Variants in DENND5A observed in about 807,000 individuals in gnomAD.
DENND5A encodes the protein DENN domain containing 5A.
In DENND5A, 64 loss-of-function variants were observed where a neutral mutation model predicts 140.3. That is an observed-to-expected ratio of 0.46 (90% CI 0.37 to 0.56). The LOEUF (loss-of-function observed/expected upper bound fraction) is 0.56. DENND5A is among the 20% of genes least tolerant of loss of function. The pLI, the probability that DENND5A is intolerant of heterozygous loss-of-function variation, is 0.00. For synonymous variants in DENND5A, 605 were observed against 607.7 expected (o/e 1.00, Z 0.07); for missense variants, 1,292 against 1,593.8 (o/e 0.81, Z 3.22).
At chr11:9,139,950 T>G in intron 22 of DENND5A, 96 bp from the exon 23 acceptor site, 1 of 1,292,084 alleles carries the variant, frequency 7.7e-7, no homozygotes. Flanking sequence ...ATGAACTAAG[T>G]CTGAAGCTGG....
chr11:9,234,396 T>C (rs1459556677), intron 1 of DENND5A, among the ~76,000 whole-genome samples: 1 of 151,622 alleles, frequency 6.6e-6, no homozygotes, highest in Non-Finnish European at 1.5e-5. Context: ...GAATGAGTAA[T>C]TTTTTTTCAA....
intron 1 of DENND5A, among the ~76,000 whole-genome samples, chr11:9,225,822 T>G (rs370560387): frequency 3.0e-4 from 45 of 152,208 alleles, no homozygotes; most frequent in South Asian, 4.1e-4. Context: ...CCGTGGTTCA[T>G]GCCTGTAATC....
intron 11 of DENND5A, among the ~76,000 whole-genome samples, chr11:9,164,157 A>AAGT (rs1484872580): frequency 7.8e-6 from 1 of 127,650 alleles, no homozygotes; most frequent in East Asian, 2.5e-4. Flanking sequence ...CAGCCCACCA[A>AAGT]AGTAGCTGGG....
chr11:9,245,701 T>C (rs1188503784), intron 1 of DENND5A, among the ~76,000 whole-genome samples: 1 of 151,782 alleles, frequency 6.6e-6, no homozygotes, highest in Non-Finnish European at 1.5e-5. Context: ...TGGCACGATC[T>C]TGGCTCACTG....
At chr11:9,197,745 C>T (rs1849381759) in intron 4 of DENND5A, among the ~76,000 whole-genome samples, 1 of 152,098 alleles carries the variant, frequency 6.6e-6, no homozygotes, top group East Asian at 1.9e-4. Flanking sequence ...ATTATTTGTG[C>T]ACATATTATT....
At chr11:9,232,724 T>C (rs1452219944) in intron 1 of DENND5A, among the ~76,000 whole-genome samples, 2 of 152,054 alleles carry the variant, frequency 1.3e-5, no homozygotes, top group African/African-American at 4.8e-5. Flanking sequence ...CCTGAGCATA[T>C]ACCCAACAGA....
At chr11:9,140,279 C>T (rs1847194144) in intron 22 of DENND5A, 1 of 1,177,160 alleles carries the variant, frequency 8.5e-7, no homozygotes, top group Non-Finnish European at 1.1e-6. Context: ...TATTATTATC[C>T]CCACTTTATA....
intron 3 of DENND5A, among the ~76,000 whole-genome samples, chr11:9,205,453 G>A (rs966294643): frequency 6.6e-6 from 1 of 152,094 alleles, no homozygotes. Flanking sequence ...TGAAATAAAC[G>A]CTAGACTAGG....
chr11:9,258,083 G>A (rs1191613741), intron 1 of DENND5A, among the ~76,000 whole-genome samples: 5 of 151,958 alleles, frequency 3.3e-5, no homozygotes, highest in Non-Finnish European at 5.9e-5. Flanking sequence ...ATGAGCCACC[G>A]TACCCGGTCT....
At chr11:9,252,748 A>C (rs1487882488) in intron 1 of DENND5A, among the ~76,000 whole-genome samples, 2 of 152,188 alleles carry the variant, frequency 1.3e-5, no homozygotes, top group Non-Finnish European at 2.9e-5. Flanking sequence ...CAGGAACCTA[A>C]AACATATCAA....
chr11:9,213,697 C>T (rs925429586), intron 1 of DENND5A, among the ~76,000 whole-genome samples: 7 of 150,540 alleles, frequency 4.6e-5, no homozygotes, highest in African/African-American at 9.8e-5. Context: ...ATCACAGCTA[C>T]CTGGGAGGCT....
At chr11:9,231,943 A>G (rs1850790403) in intron 1 of DENND5A, among the ~76,000 whole-genome samples, 1 of 152,096 alleles carries the variant, frequency 6.6e-6, no homozygotes, top group Non-Finnish European at 1.5e-5. Context: ...TGGTCATATC[A>G]AAGCCTTTTT....
intron 18 of DENND5A, among the ~76,000 whole-genome samples, chr11:9,144,677 T>C (rs1458683462): frequency 6.6e-6 from 1 of 151,506 alleles, no homozygotes; most frequent in Non-Finnish European, 1.5e-5. Context: ...TCATCCCAGC[T>C]ACTCGGGGAG....
rs758412383 is a variant in DENND5A, at chr11:9,178,370, G to A, written c.1672-4C>T. The A allele has an allele frequency of 2.5e-6, 4 of 1,585,176 alleles. No individual in the cohort carries two copies. Among genetic ancestry groups the A allele is most frequent in the Admixed American group, 3.3e-5 (2 of 59,782 alleles). On this transcript the variant is annotated splice_region_variant and splice_polypyrimidine_tract_variant and intron_variant, in intron 7 of 22. Coordinates refer to ENST00000328194, the MANE Select transcript of DENND5A (RefSeq NM_015213.4). ...GCTGATCTGACAGAAAAGATGCCTG[G>A]TGGGACCAAAAAGAAGCAGTAATTG...
chr11:9,245,770 A>T (rs1355389904), intron 1 of DENND5A, among the ~76,000 whole-genome samples: 1 of 151,962 alleles, frequency 6.6e-6, no homozygotes, highest in East Asian at 2.0e-4. Flanking sequence ...AGTAGCTGGG[A>T]CTACAGGCGT....
Position 9,205,628 on chromosome 11 carries a change from C to T in DENND5A, c.291+1045G>A, listed in dbSNP as rs187996290. Among the ~76,000 whole-genome samples, 33 of 152,298 alleles carry T rather than the reference C, an allele frequency of 2.2e-4. 1 individual carries two copies. In the Middle Eastern group the frequency reaches 0.01, roughly 47 times the overall value. Reference sequence around the variant, plus strand: ...TAATAGAAGGCCAGGTGCAGTGGCTCACGCCTATAGTCGCAGCACTTTGGG... The same window carrying T: ...TAATAGAAGGCCAGGTGCAGTGGCTTACGCCTATAGTCGCAGCACTTTGGG... On this transcript the variant is annotated intron_variant, in intron 3 of 22. Transcript: ENST00000328194.
intron 5 of DENND5A, among the ~76,000 whole-genome samples, chr11:9,184,123 C>A (rs1336600669): frequency 2.0e-5 from 3 of 151,854 alleles, no homozygotes; most frequent in African/African-American, 7.3e-5. Flanking sequence ...GAGGCCGAGG[C>A]GGGCGCATCA....
At chr11:9,257,431 T>C (rs1348865242) in intron 1 of DENND5A, among the ~76,000 whole-genome samples, 1 of 127,398 alleles carries the variant, frequency 7.8e-6, no homozygotes, top group Non-Finnish European at 1.7e-5. Flanking sequence ...ACTCTGTCTC[T>C]TAAAAAAAAA....
intron 1 of DENND5A, among the ~76,000 whole-genome samples, chr11:9,211,322 T>C (rs1345530085): frequency 6.6e-6 from 1 of 152,066 alleles, no homozygotes; most frequent in South Asian, 2.1e-4. Context: ...GAAACACGCA[T>C]GCATGGAGAA....
Sources: allele counts gnomAD v4.1 joint callset (sites outside exome capture counted in the v4.1 genomes callset), GRCh38; gene constraint gnomAD v4.1.1; transcripts MANE v1.5; gene names NCBI Gene and HGNC (gene_info 2026-07-23, HGNC 2026-07-21).